Variants in C8orf34 observed in about 807,000 individuals in gnomAD.
C8orf34 encodes uncharacterized protein C8orf34.
C8orf34 carries 65 observed loss-of-function variants against 68.3 expected under a neutral mutation model. That is an observed-to-expected ratio of 0.95 (90% CI 0.78 to 1.17). The LOEUF (loss-of-function observed/expected upper bound fraction) is 1.17. C8orf34 is among the 50% of genes most tolerant of loss of function. The pLI is 0.00. For missense variants in C8orf34, 664 were observed against 655.4 expected (o/e 1.01, Z -0.14); for synonymous variants, 244 against 241.2 (o/e 1.01, Z -0.11).
chr8:68,765,199 G>A (rs1823137196), intron 10 of C8orf34, among the ~76,000 whole-genome samples: 1 of 152,158 alleles, frequency 6.6e-6, no homozygotes, highest in Admixed American at 6.5e-5. Flanking sequence ...TAACCCCTGA[G>A]GAAAGTGGTG....
chr8:68,430,862 C>T (rs1259401618), intron 1 of C8orf34, among the ~76,000 whole-genome samples: 1 of 152,112 alleles, frequency 6.6e-6, no homozygotes. Context: ...CAGGCAACCC[C>T]TCTTCTCTAA....
chr8:68,719,034 G>A (rs1029664764), intron 9 of C8orf34, among the ~76,000 whole-genome samples: 38 of 152,032 alleles, frequency 2.5e-4, no homozygotes, highest in African/African-American at 8.5e-4. Flanking sequence ...AAATTGCTCT[G>A]GAATAGACAG....
chr8:68,437,097 G>A (rs751524307), intron 1 of C8orf34, among the ~76,000 whole-genome samples: 8 of 152,154 alleles, frequency 5.3e-5, no homozygotes, highest in Non-Finnish European at 1.2e-4. Context: ...TTTCGCTCAC[G>A]ATTGAACTTG....
intron 3 of C8orf34, among the ~76,000 whole-genome samples, chr8:68,452,061 G>A (rs894007519): frequency 4.6e-5 from 7 of 151,712 alleles, no homozygotes; most frequent in Non-Finnish European, 1.0e-4. Context: ...AGTCCTTTTC[G>A]TGGCTGAATA....
chr8:68,383,490 T>G (rs1189011868), intron 1 of C8orf34, among the ~76,000 whole-genome samples: 1 of 152,186 alleles, frequency 6.6e-6, no homozygotes, highest in East Asian at 1.9e-4. Context: ...TTCATGTGAT[T>G]GAAATACATA....
intron 5 of C8orf34, among the ~76,000 whole-genome samples, chr8:68,488,411 C>T (rs1813168115): frequency 6.6e-6 from 1 of 151,982 alleles, no homozygotes; most frequent in Non-Finnish European, 1.5e-5. Context: ...TTTGATAGCT[C>T]CTCTTTGGAA....
chr8:68,660,546 C>T (rs1865440), intron 8 of C8orf34, among the ~76,000 whole-genome samples: 53,914 of 151,986 alleles, frequency 0.35, 10,603 homozygotes, highest in East Asian at 0.58. Flanking sequence ...TAGCATGACC[C>T]CTACCCACGT....
At chr8:68,446,246 A>G in intron 2 of C8orf34, 83 bp from the exon 3 acceptor site, 1 of 1,148,022 alleles carries the variant, frequency 8.7e-7, no homozygotes. Context: ...TTTGTCAAGT[A>G]TATTTAATGA....
At chr8:68,484,389 T>C (rs368909591) in intron 4 of C8orf34, among the ~76,000 whole-genome samples, 55 of 152,296 alleles carry the variant, frequency 3.6e-4, no homozygotes, top group African/African-American at 1.1e-3. Context: ...TATATCACCC[T>C]GATAGGATAT....
intron 1 of C8orf34, among the ~76,000 whole-genome samples, chr8:68,368,723 A>AT (rs545569608): frequency 2.0e-5 from 3 of 152,056 alleles, no homozygotes; most frequent in South Asian, 2.1e-4. Flanking sequence ...TTACCATATG[A>AT]TTTTTTTCCC....
At chr8:68,500,388 T>A (rs1415705471) in intron 5 of C8orf34, among the ~76,000 whole-genome samples, 1 of 152,216 alleles carries the variant, frequency 6.6e-6, no homozygotes, top group Non-Finnish European at 1.5e-5. Context: ...GGAGATTTTT[T>A]AAAATGACAG....
chr8:68,746,681 C>A (rs1822507675), intron 10 of C8orf34, among the ~76,000 whole-genome samples: 1 of 147,498 alleles, frequency 6.8e-6, no homozygotes, highest in Admixed American at 6.8e-5. Flanking sequence ...AAGACTAAAC[C>A]AGGAAGAAGT....
intron 3 of C8orf34, among the ~76,000 whole-genome samples, chr8:68,455,782 G>T (rs1811521427): frequency 6.6e-6 from 1 of 151,662 alleles, no homozygotes; most frequent in South Asian, 2.1e-4. Context: ...GGAATAGAAG[G>T]ATATTTTCTT....
intron 8 of C8orf34, among the ~76,000 whole-genome samples, chr8:68,647,994 G>A (rs192361285): frequency 9.9e-5 from 15 of 152,138 alleles, no homozygotes; most frequent in South Asian, 2.1e-4. Flanking sequence ...TTTTATTTTC[G>A]CCCTTAGATC....
chr8:68,690,988 T>C (rs1820670401), intron 8 of C8orf34, among the ~76,000 whole-genome samples: 1 of 152,042 alleles, frequency 6.6e-6, no homozygotes, highest in South Asian at 2.1e-4. Flanking sequence ...CATATGGAAG[T>C]TTTAACTCCT....
chr8:68,807,310 C>T (rs1463594443), intron 12 of C8orf34, among the ~76,000 whole-genome samples: 1 of 152,176 alleles, frequency 6.6e-6, no homozygotes, highest in African/African-American at 2.4e-5. Context: ...TACACATATG[C>T]TAGACATTCT....
At chr8:68,765,200 G>A (rs185602646) in intron 10 of C8orf34, among the ~76,000 whole-genome samples, 1 of 152,316 alleles carries the variant, frequency 6.6e-6, no homozygotes, top group Non-Finnish European at 1.5e-5. Flanking sequence ...AACCCCTGAG[G>A]AAAGTGGTGT....
intron 1 of C8orf34, among the ~76,000 whole-genome samples, chr8:68,425,269 G>A (rs1021278808): frequency 1.6e-4 from 24 of 152,052 alleles, no homozygotes; most frequent in African/African-American, 5.8e-4. Context: ...CATATTTCTG[G>A]GAGTTCTTGC....
At chr8:68,580,196 C>T (rs1356148058) in intron 7 of C8orf34, among the ~76,000 whole-genome samples, 1 of 152,022 alleles carries the variant, frequency 6.6e-6, no homozygotes, top group Non-Finnish European at 1.5e-5. Flanking sequence ...AAGAGCATTT[C>T]TCTTCTTAAA....
Sources: gnomAD v4.1 joint callset for allele counts (sites outside exome capture counted in the v4.1 genomes callset) on GRCh38, gnomAD v4.1.1 for gene constraint, MANE v1.5 for transcripts, NCBI Gene and HGNC (gene_info 2026-07-23, HGNC 2026-07-21) for gene names.